The following PIP4K2A variants were observed in gnomAD, a reference collection of about 807,000 sequenced individuals.
PIP4K2A encodes the protein phosphatidylinositol-5-phosphate 4-kinase type 2 alpha, also known as phosphatidylinositol 5-phosphate 4-kinase type-2 alpha.
PIP4K2A carries 14 observed loss-of-function variants against 42.9 expected under a neutral mutation model. That is an observed-to-expected ratio of 0.33 (90% CI 0.22 to 0.51). The LOEUF is 0.51. Ranked by LOEUF, PIP4K2A falls within the 20% of genes least tolerant of loss-of-function variation. The pLI is 0.97. For synonymous variants in PIP4K2A, 192 were observed against 192.2 expected (o/e 1.00, Z 0.01); for missense variants, 434 against 519.8 (o/e 0.83, Z 1.61).
intron 1 of PIP4K2A, among the ~76,000 whole-genome samples, chr10:22,681,266 A>G (rs150200854): frequency 6.6e-6 from 1 of 152,166 alleles, no homozygotes; most frequent in African/African-American, 2.4e-5. Context: ...CCTGATGTCA[A>G]CCTGACTTCT....
intron 3 of PIP4K2A, among the ~76,000 whole-genome samples, chr10:22,606,735 T>C (rs777704363): frequency 5.3e-5 from 8 of 152,200 alleles, no homozygotes; most frequent in Non-Finnish European, 1.0e-4. Context: ...AATATGTCAC[T>C]TAATGCAGGA....
intron 3 of PIP4K2A, among the ~76,000 whole-genome samples, chr10:22,606,223 A>G (rs1217922574): frequency 6.6e-6 from 1 of 151,978 alleles, no homozygotes; most frequent in African/African-American, 2.4e-5. Flanking sequence ...AGGTCGGAGG[A>G]TCACTTGAGC....
intron 1 of PIP4K2A, among the ~76,000 whole-genome samples, chr10:22,665,845 C>CATACATATAT (rs933519709): frequency 6.6e-6 from 1 of 151,690 alleles, no homozygotes; most frequent in Non-Finnish European, 1.5e-5. Flanking sequence ...CACACAGACA[C>CATACATATAT]ATACATATAT....
rs573735274 is a variant in PIP4K2A, at chr10:22,546,138, C to T, written c.793-4091G>A. On this transcript the variant is annotated intron_variant, in intron 7 of 9. Coordinates refer to ENST00000376573, the MANE Select transcript of PIP4K2A (RefSeq NM_005028.5). ...TCGCCAGTTCCATGCTTGACGAGTT[C>T]GCCTCCTGGATCTTCAGTCATTCTG... is the stretch of plus-strand genomic sequence containing the variant. Among the ~76,000 whole-genome samples, 103 of 152,290 alleles carry T rather than the reference C, an allele frequency of 6.8e-4. 2 individuals are homozygous for T. Among genetic ancestry groups the T allele is most frequent in the African/African-American group, 2.4e-3 (100 of 41,566 alleles).
At chr10:22,562,399 A>C (rs534834100) in intron 6 of PIP4K2A, among the ~76,000 whole-genome samples, 2 of 152,238 alleles carry the variant, frequency 1.3e-5, no homozygotes, top group South Asian at 4.2e-4. Context: ...ATACAAAAAA[A>C]TTAGCCAAGC....
chr10:22,607,983 G>C lies in PIP4K2A; in HGVS notation c.283C>G (p.Pro95Ala). The change falls in exon 3 of 10, where the codon CCG becomes GCG. Residue 95 changes from proline to alanine, a missense_variant. This residue lies in a region of PIP4K2A where 395 missense variants were observed against 444.5 expected (regional missense o/e 0.89). Transcript: ENST00000376573. ...TCCCGCAGGTTACGGAAGACCATCG[G>C]GCAGTATTCCTTAAACTTGAAATGG... is the stretch of plus-strand genomic sequence containing the variant. ...PSHFKFKEYC[P>A]MVFRNLRERF... The C allele has an allele frequency of 6.2e-7, 1 of 1,613,018 alleles. No individual in the cohort carries two copies. Among genetic ancestry groups the C allele is most frequent in the Non-Finnish European group, 8.5e-7 (1 of 1,179,260 alleles).
At position 22,664,162 on chromosome 10, in the gene PIP4K2A, TATATAC is replaced by T. The variant is rs1393453262; in HGVS notation, c.144+50015_144+50020del. Among the ~76,000 whole-genome samples, 6 of 73,204 alleles carry T rather than the reference TATATAC, an allele frequency of 8.2e-5. No homozygotes were observed. In the East Asian group the frequency reaches 1.3e-3, roughly 16 times the overall value. 48.0% of individuals were successfully genotyped at this position (73,204 alleles called of 152,430 possible). A position where few individuals can be genotyped will look rare whatever the true frequency, so the allele number is the denominator to read the frequency against. ...ATATACATATATATACACATATATATATATACATATATATATATACATATATATACA... is the reference window on the plus strand; with the variant it reads ...ATATACATATATATACACATATATATATATATATATATACATATATATACA... On this transcript the variant is annotated intron_variant, in intron 1 of 9. Transcript: ENST00000376573.
At chr10:22,590,648 G>A (rs1588647339) in intron 4 of PIP4K2A, among the ~76,000 whole-genome samples, 3 of 152,310 alleles carry the variant, frequency 2.0e-5, no homozygotes, top group Admixed American at 2.0e-4. Context: ...AGAACTGCTT[G>A]AGCCCAAGAG....
intron 1 of PIP4K2A, among the ~76,000 whole-genome samples, chr10:22,617,551 G>T (rs759579918): frequency 4.1e-4 from 62 of 152,122 alleles, no homozygotes; most frequent in Non-Finnish European, 6.5e-4. Context: ...ATTCAGCCAA[G>T]AATATGCAAA....
intron 7 of PIP4K2A, among the ~76,000 whole-genome samples, chr10:22,550,332 C>G (rs991305407): frequency 1.3e-5 from 2 of 152,236 alleles, no homozygotes; most frequent in African/African-American, 4.8e-5. Flanking sequence ...TCCCCTGGCC[C>G]CTCCCAAACT....
rs1323856976 is a variant in PIP4K2A at position 22,664,092 on chromosome 10, TATATATATATAC to T, written c.144+50079_144+50090del. Among the ~76,000 whole-genome samples the T allele has an allele frequency of 4.6e-3, 292 of 62,866 alleles. 5 individuals are homozygous for T. The highest frequency in any genetic ancestry group is 8.2e-3 in the African/African-American group (69 of 8,456). The allele number at this position is 62,866 out of a possible 152,430, so 41.2% of individuals were successfully genotyped here. ...ATATATATACGTATATATATATACA[TATATATATATAC>T]ATATATATATACATATATATATATA... On this transcript the variant is annotated intron_variant, in intron 1 of 9. Coordinates refer to ENST00000376573, the MANE Select transcript of PIP4K2A (RefSeq NM_005028.5).
In PIP4K2A at chr10:22,568,691, T is replaced by C. The variant is rs970941918; in HGVS notation, c.640-802A>G. On this transcript the variant is annotated intron_variant, in intron 5 of 9. Transcript: ENST00000376573. The stretch of plus-strand genomic sequence containing the variant: ...ACCTCGGAGGCCGACGGGGAGGCTT[T>C]AGGGGTAGAGTCCAAGCAGAGAAAC... Among the ~76,000 whole-genome samples, 44 of 152,144 alleles carry C rather than the reference T, an allele frequency of 2.9e-4. 2 individuals are homozygous for C. Among genetic ancestry groups the C allele is most frequent in the Non-Finnish European group, 4.4e-5 (3 of 68,024 alleles).
Position 22,596,719 on chromosome 10 carries a change from G to A in PIP4K2A, c.340-4938C>T, listed in dbSNP as rs532175129. Among the ~76,000 whole-genome samples the A allele has an allele frequency of 4.6e-5, 7 of 152,362 alleles. 1 individual carries two copies. Among genetic ancestry groups the A allele is most frequent in the African/African-American group, 1.7e-4 (7 of 41,572 alleles). On this transcript the variant is annotated intron_variant, in intron 3 of 9. Transcript: ENST00000376573. ...TAAATAAACCTCAAAGAGCATTAGA[G>A]TTGGAAGCAACCTTGGAGATGATTC...
At chr10:22,601,341 G>A (rs1048949998) in intron 3 of PIP4K2A, among the ~76,000 whole-genome samples, 1 of 152,020 alleles carries the variant, frequency 6.6e-6, no homozygotes, top group African/African-American at 2.4e-5. Context: ...CCAGGTGGGG[G>A]CAGGTGGTGG....
chr10:22,544,460 C>T (rs1836210308), intron 7 of PIP4K2A, among the ~76,000 whole-genome samples: 1 of 152,184 alleles, frequency 6.6e-6, no homozygotes, highest in South Asian at 2.1e-4. Context: ...CCTGGCTCTG[C>T]TCCCTAGATC....
rs534315044 is a variant in PIP4K2A at position 22,547,135 on chromosome 10, GATTT to G, written c.792+3520_792+3523del. Among the ~76,000 whole-genome samples, 152 of 152,222 alleles carry G rather than the reference GATTT, an allele frequency of 1.0e-3. 1 individual carries two copies. Among genetic ancestry groups the G allele is most frequent in the African/African-American group, 3.4e-3 (141 of 41,518 alleles). ...CTATCCTTCACAATGGTTCTCAACT[GATTT>G]ATTTAACTCTACTAACACACCGTGT... is the stretch of plus-strand genomic sequence containing the variant. On this transcript the variant is annotated intron_variant, in intron 7 of 9. Transcript: ENST00000376573.
intron 1 of PIP4K2A, among the ~76,000 whole-genome samples, chr10:22,664,182 C>CATATATATATACATAT (rs1266883536): frequency 2.3e-5 from 1 of 43,548 alleles, no homozygotes; most frequent in Non-Finnish European, 3.8e-5. Flanking sequence ...TATATATATA[C>CATATATATATACATAT]ATATATATAC....
chr10:22,627,591 TAAAAAAAAAAAAAAAAAAAAAAA>T (rs57671642), intron 1 of PIP4K2A, among the ~76,000 whole-genome samples: 34 of 57,034 alleles, frequency 6.0e-4, no homozygotes, highest in East Asian at 5.8e-3. Context: ...TAATATGTAA[TAAAAAAAAAAAAAAAAAAAAAAA>T]AAAAAAAAAA....
intron 4 of PIP4K2A, among the ~76,000 whole-genome samples, chr10:22,575,843 CAGA>C (rs1415887645): frequency 5.9e-5 from 9 of 151,562 alleles, no homozygotes; most frequent in Non-Finnish European, 1.3e-4. Flanking sequence ...GAGGCTGAGG[CAGA>C]AGAACTACTT....
Sources: allele counts gnomAD v4.1 joint callset (sites outside exome capture counted in the v4.1 genomes callset), GRCh38; gene constraint gnomAD v4.1.1; regional missense constraint gnomAD v4.1.1; transcripts MANE v1.5; gene names NCBI Gene and HGNC (gene_info 2026-07-23, HGNC 2026-07-21).